VMP1: variants seen among roughly 807,000 people sequenced by gnomAD.
VMP1 encodes the protein vacuole membrane protein 1.
In VMP1, 11 loss-of-function variants were observed where a neutral mutation model predicts 56.0. The observed-to-expected ratio is 0.20, with a 90% CI of 0.12 to 0.32. VMP1 has a LOEUF of 0.32. Ranked by LOEUF, VMP1 falls within the 10% of genes least tolerant of loss-of-function variation. VMP1 has a pLI of 1.00. For missense variants in VMP1, 296 were observed against 490.3 expected (o/e 0.60, Z 3.74); for synonymous variants, 149 against 165.0 (o/e 0.90, Z 0.74).
intron 5 of VMP1, among the ~76,000 whole-genome samples, chr17:59,745,299 A>G (rs2035383020): frequency 6.6e-6 from 1 of 152,236 alleles, no homozygotes; most frequent in Non-Finnish European, 1.5e-5. Context: ...GCATCACTTT[A>G]AATGAATTAT....
chr17:59,771,898 A>C (rs2036440285), intron 6 of VMP1, among the ~76,000 whole-genome samples: 1 of 151,778 alleles, frequency 6.6e-6, no homozygotes, highest in African/African-American at 2.4e-5. Flanking sequence ...CTTATTTAGC[A>C]ATATATATGA....
At chr17:59,831,787 A>T (rs1455201661) in intron 10 of VMP1, among the ~76,000 whole-genome samples, 1 of 81,270 alleles carries the variant, frequency 1.2e-5, no homozygotes, top group Non-Finnish European at 2.3e-5. Context: ...AAAAAATTTT[A>T]TTTGCATTCC....
chr17:59,794,551 T>A (rs865844575), intron 7 of VMP1, among the ~76,000 whole-genome samples: 2,826 of 58,140 alleles, frequency 0.049, 70 homozygotes, highest in Middle Eastern at 0.089. Flanking sequence ...TTTTTTTTTT[T>A]AACGAAAATC....
chr17:59,743,807 T>C (rs114160351), intron 5 of VMP1, among the ~76,000 whole-genome samples: 225 of 152,156 alleles, frequency 1.5e-3, no homozygotes, highest in African/African-American at 5.3e-3. Context: ...TGATGATTCC[T>C]TATGATTTTC....
intron 6 of VMP1, 117 bp downstream of exon 6, chr17:59,765,255 C>T (rs1214780140): frequency 1.0e-5 from 12 of 1,195,426 alleles, no homozygotes; most frequent in Non-Finnish European, 1.4e-5. Context: ...CAGTCAGTAA[C>T]CAGCTACCTA....
At chr17:59,836,340 G>C (rs916811075) in intron 10 of VMP1, among the ~76,000 whole-genome samples, 3 of 151,902 alleles carry the variant, frequency 2.0e-5, no homozygotes, top group African/African-American at 7.3e-5. Flanking sequence ...AGGGACTACA[G>C]GCACATGCCA....
In VMP1 at chr17:59,824,265, A is replaced by G. The variant is rs868380334; in HGVS notation, c.974+6492A>G. Among the ~76,000 whole-genome samples, 1,328 of 148,096 alleles carry G rather than the reference A, an allele frequency of 9.0e-3. 16 individuals are homozygous for G. Among genetic ancestry groups the G allele is most frequent in the African/African-American group, 0.03 (1,192 of 39,690 alleles). ...GACTCTGTCTCCAAAAAAAAAAAAA[A>G]GGGTATCAAAAATCTTTTGGCTGGG... On this transcript the variant is annotated intron_variant, in intron 10 of 11. Coordinates refer to ENST00000262291, the MANE Select transcript of VMP1 (RefSeq NM_030938.5).
At chr17:59,782,895 A>G (rs2036874251) in intron 7 of VMP1, among the ~76,000 whole-genome samples, 1 of 152,174 alleles carries the variant, frequency 6.6e-6, no homozygotes, top group African/African-American at 2.4e-5. Context: ...TAAATGGTGT[A>G]TGTGATTTTA....
At chr17:59,747,448 T>C (rs1353279209) in intron 5 of VMP1, among the ~76,000 whole-genome samples, 5 of 151,090 alleles carry the variant, frequency 3.3e-5, no homozygotes, top group Admixed American at 6.6e-5. Context: ...CTCACTCTGT[T>C]GCCCAGGCTG....
intron 3 of VMP1, among the ~76,000 whole-genome samples, chr17:59,736,323 A>C (rs184996083): frequency 1.7e-4 from 25 of 150,494 alleles, no homozygotes; most frequent in Admixed American, 6.0e-4. Flanking sequence ...GAATCGCTTG[A>C]ACGTGGGAGG....
At chr17:59,770,291 C>A (rs539715898) in intron 6 of VMP1, among the ~76,000 whole-genome samples, 2 of 152,208 alleles carry the variant, frequency 1.3e-5, no homozygotes, top group South Asian at 4.1e-4. Flanking sequence ...CACTTTCTGT[C>A]CTACTTTTTT....
chr17:59,837,292 C>T (rs1006419151), intron 10 of VMP1, among the ~76,000 whole-genome samples: 7 of 152,116 alleles, frequency 4.6e-5, no homozygotes, highest in African/African-American at 1.7e-4. Flanking sequence ...ATCGGAATCT[C>T]TTTGGCTGGC....
At chr17:59,751,607 T>TGG (rs200844057) in intron 5 of VMP1, among the ~76,000 whole-genome samples, 178 of 141,896 alleles carry the variant, frequency 1.3e-3, no homozygotes, top group East Asian at 4.1e-3. Flanking sequence ...CTGGGCGTGG[T>TGG]GGGGGGGGCG....
intron 1 of VMP1, among the ~76,000 whole-genome samples, chr17:59,708,968 T>C (rs1042209999): frequency 6.6e-6 from 1 of 152,220 alleles, no homozygotes; most frequent in Non-Finnish European, 1.5e-5. Flanking sequence ...CTTTTTTCCT[T>C]TGAGGGATAT....
chr17:59,746,090 TA>T (rs1185482766), intron 5 of VMP1, among the ~76,000 whole-genome samples: 2 of 152,256 alleles, frequency 1.3e-5, no homozygotes, highest in Non-Finnish European at 2.9e-5. Context: ...CTAAATTTCC[TA>T]AAATATTAGA....
chr17:59,806,946 T>A (rs1052153834), intron 7 of VMP1, among the ~76,000 whole-genome samples: 1 of 152,060 alleles, frequency 6.6e-6, no homozygotes, highest in African/African-American at 2.4e-5. Flanking sequence ...TTTGGTTTCT[T>A]TGACTTTCTC....
Position 59,793,258 on chromosome 17 carries a change from T to C in VMP1, c.715-15538T>C, listed in dbSNP as rs1280516445. On this transcript the variant is annotated intron_variant, in intron 7 of 11. Transcript: ENST00000262291. ...GTCTTGAACTCCCGACCTCAGTTGA[T>C]CTACCTGCCTCAGCCTCCCAAAGTG... Among the ~76,000 whole-genome samples, 2 of 114,428 alleles carry C rather than the reference T, an allele frequency of 1.7e-5. 1 individual carries two copies. Among genetic ancestry groups the C allele is most frequent in the Non-Finnish European group, 4.3e-5 (2 of 45,992 alleles). The allele number at this position is 114,428 out of a possible 152,430, so 75.1% of individuals were successfully genotyped here.
chr17:59,801,146 G>GTA (rs1598413252), intron 7 of VMP1, among the ~76,000 whole-genome samples: 1 of 137,530 alleles, frequency 7.3e-6, no homozygotes, highest in Admixed American at 7.5e-5. Flanking sequence ...GTGTGTGTGT[G>GTA]TGTATGGCAC....
At chr17:59,798,457 C>A (rs1273001019) in intron 7 of VMP1, among the ~76,000 whole-genome samples, 2 of 152,180 alleles carry the variant, frequency 1.3e-5, no homozygotes, top group East Asian at 3.8e-4. Flanking sequence ...TTTTTTTAAA[C>A]TGTAGCCAAC....
Sources: gnomAD v4.1 joint callset for allele counts (sites outside exome capture counted in the v4.1 genomes callset) on GRCh38, gnomAD v4.1.1 for gene constraint, MANE v1.5 for transcripts, NCBI Gene and HGNC (gene_info 2026-07-23, HGNC 2026-07-21) for gene names.